The following CADPS variants were observed in gnomAD, a reference collection of about 807,000 sequenced individuals.
CADPS encodes calcium-dependent secretion activator 1.
CADPS carries 57 observed loss-of-function variants against 167.3 expected under a neutral mutation model. That is an observed-to-expected ratio of 0.34 (90% CI 0.28 to 0.42). The LOEUF (loss-of-function observed/expected upper bound fraction) is 0.42, where lower values mean the gene tolerates loss of function less well. Ranked by LOEUF, CADPS falls within the 20% of genes least tolerant of loss-of-function variation. The pLI is 1.00. For synonymous variants in CADPS, 676 were observed against 635.3 expected (o/e 1.06, Z -0.96); for missense variants, 1,414 against 1,738.1 (o/e 0.81, Z 3.32).
At chr3:62,785,698 G>A (rs149428201) in intron 1 of CADPS, among the ~76,000 whole-genome samples, 13 of 152,272 alleles carry the variant, frequency 8.5e-5, no homozygotes, top group Non-Finnish European at 1.3e-4. Context: ...GCCATATTAG[G>A]AGGTTACAAC....
chr3:62,821,437 C>T (rs116590176), intron 1 of CADPS, among the ~76,000 whole-genome samples: 3,386 of 152,228 alleles, frequency 0.022, 58 homozygotes, highest in South Asian at 0.05. Flanking sequence ...CAAGCTTCCT[C>T]CAAAGGCTCT....
intron 1 of CADPS, among the ~76,000 whole-genome samples, chr3:62,812,655 C>T (rs987379266): frequency 6.6e-6 from 1 of 152,138 alleles, no homozygotes; most frequent in African/African-American, 2.4e-5. Context: ...ATGCAAGTCA[C>T]TCATAGGAGC....
At chr3:62,464,164 A>G (rs1245960756) in intron 26 of CADPS, among the ~76,000 whole-genome samples, 1 of 152,166 alleles carries the variant, frequency 6.6e-6, no homozygotes, top group East Asian at 1.9e-4. Flanking sequence ...TAGGGAACAT[A>G]TTATCTGCCC....
intron 1 of CADPS, among the ~76,000 whole-genome samples, chr3:62,789,274 T>G (rs1381215970): frequency 6.6e-6 from 1 of 152,086 alleles, no homozygotes; most frequent in Admixed American, 6.6e-5. Flanking sequence ...CTATTACAAG[T>G]GAGGAAACCA....
At chr3:62,798,063 G>A (rs2093549971) in intron 1 of CADPS, among the ~76,000 whole-genome samples, 7 of 152,178 alleles carry the variant, frequency 4.6e-5, no homozygotes. Flanking sequence ...ATGGCAGACA[G>A]ACAATATACA....
At chr3:62,423,743 A>G (rs2051981154) in intron 28 of CADPS, among the ~76,000 whole-genome samples, 1 of 152,216 alleles carries the variant, frequency 6.6e-6, no homozygotes, top group Non-Finnish European at 1.5e-5. Flanking sequence ...AGTACCTGGT[A>G]CATAGTGCCC....
chr3:62,511,143 C>T (rs2151543453), intron 17 of CADPS, among the ~76,000 whole-genome samples: 1 of 152,200 alleles, frequency 6.6e-6, no homozygotes, highest in East Asian at 1.9e-4. Context: ...CTGAAAAAAT[C>T]CATATGCATG....
At chr3:62,756,912 C>G (rs1010379890) in intron 2 of CADPS, among the ~76,000 whole-genome samples, 1 of 151,880 alleles carries the variant, frequency 6.6e-6, no homozygotes, top group Non-Finnish European at 1.5e-5. Context: ...AGGAGGTATT[C>G]AGGAGGAGGA....
chr3:62,668,498 T>A (rs578162382), intron 3 of CADPS, among the ~76,000 whole-genome samples: 12 of 152,176 alleles, frequency 7.9e-5, no homozygotes, highest in Non-Finnish European at 1.5e-4. Context: ...CTCTTCCTTA[T>A]CTCTCCCTTG....
At chr3:62,628,552 C>T (rs576279884) in intron 6 of CADPS, among the ~76,000 whole-genome samples, 2 of 151,700 alleles carry the variant, frequency 1.3e-5, no homozygotes, top group Admixed American at 6.6e-5. Context: ...TCCTTGATTC[C>T]TGTTTTGCCC....
chr3:62,448,148 C>T (rs2057496917), intron 26 of CADPS, among the ~76,000 whole-genome samples: 1 of 152,114 alleles, frequency 6.6e-6, no homozygotes, highest in Non-Finnish European at 1.5e-5. Context: ...TTGATCTCCT[C>T]AATATTGGTA....
chr3:62,638,385 G>C (rs530393979), intron 6 of CADPS, among the ~76,000 whole-genome samples: 4 of 152,214 alleles, frequency 2.6e-5, no homozygotes, highest in Non-Finnish European at 5.9e-5. Flanking sequence ...AAAAAATACA[G>C]TGGCTTTTCA....
intron 1 of CADPS, among the ~76,000 whole-genome samples, chr3:62,843,407 T>C (rs190322312): frequency 2.2e-4 from 33 of 152,328 alleles, no homozygotes; most frequent in African/African-American, 7.9e-4. Context: ...TTAAAGACAA[T>C]TATCTTGTGT....
At chr3:62,788,272 T>C (rs541274425) in intron 1 of CADPS, among the ~76,000 whole-genome samples, 6 of 152,290 alleles carry the variant, frequency 3.9e-5, no homozygotes, top group South Asian at 2.1e-4. Flanking sequence ...GGGCAGGACA[T>C]ACGCCAAGTA....
intron 1 of CADPS, among the ~76,000 whole-genome samples, chr3:62,794,606 G>C (rs1461702961): frequency 6.6e-6 from 1 of 151,954 alleles, no homozygotes; most frequent in Non-Finnish European, 1.5e-5. Context: ...GTAAATATTA[G>C]CTATTCTTGT....
intron 2 of CADPS, among the ~76,000 whole-genome samples, chr3:62,757,654 G>A (rs1017000684): frequency 4.6e-5 from 7 of 152,166 alleles, no homozygotes; most frequent in African/African-American, 1.4e-4. Context: ...AAATAAAGAT[G>A]TTGGCACTTG....
chr3:62,546,346 C>T (rs546279917), intron 11 of CADPS, among the ~76,000 whole-genome samples: 18 of 152,104 alleles, frequency 1.2e-4, no homozygotes, highest in Non-Finnish European at 2.2e-4. Flanking sequence ...AGGATTGAAG[C>T]GTTTCCTGGG....
At chr3:62,761,235 T>TATG (rs1015073421) in intron 2 of CADPS, among the ~76,000 whole-genome samples, 56 of 152,128 alleles carry the variant, frequency 3.7e-4, no homozygotes, top group Admixed American at 7.9e-4. Context: ...CTGCTGTTGT[T>TATG]ATGATGATGA....
intron 3 of CADPS, among the ~76,000 whole-genome samples, chr3:62,704,308 C>G (rs2081956201): frequency 6.6e-6 from 1 of 152,052 alleles, no homozygotes; most frequent in African/African-American, 2.4e-5. Context: ...CAGAATATTC[C>G]TTCCCTGCTC....
Sources: gnomAD v4.1 joint callset for allele counts (sites outside exome capture counted in the v4.1 genomes callset) on GRCh38, gnomAD v4.1.1 for gene constraint, MANE v1.5 for transcripts, NCBI Gene and HGNC (gene_info 2026-07-23, HGNC 2026-07-21) for gene names.